The following HEPACAM2 variants were observed in gnomAD, a reference collection of about 807,000 sequenced individuals.
The protein encoded by HEPACAM2 is HEPACAM family member 2.
HEPACAM2 carries 49 observed loss-of-function variants against 49.6 expected under a neutral mutation model. The observed-to-expected ratio is 0.99, with a 90% CI of 0.78 to 1.25. HEPACAM2 has a LOEUF of 1.25. Among genes scored for constraint, HEPACAM2 ranks in the 50% most tolerant of loss-of-function variants. The pLI, the probability that HEPACAM2 is intolerant of heterozygous loss-of-function variation, is 0.00. For synonymous variants in HEPACAM2, 197 were observed against 202.9 expected (o/e 0.97, Z 0.25); for missense variants, 525 against 557.2 (o/e 0.94, Z 0.58).
At position 93,197,509 on chromosome 7, in the gene HEPACAM2, A is replaced by G; in HGVS notation, c.1114T>C (p.Trp372Arg). 6.3e-7 allele frequency: 1 copy of G among 1,594,198 alleles called. No homozygotes were observed. Among genetic ancestry groups the G allele is most frequent in the Non-Finnish European group, 8.6e-7 (1 of 1,167,424 alleles). The change falls in exon 5 of 10, where the codon TGG (tryptophan) becomes CGG (arginine). Residue 372 changes from tryptophan to arginine, a missense_variant. Trp to Arg is a moderately radical substitution (Grantham distance 101). Coordinates refer to ENST00000394468, the MANE Select transcript of HEPACAM2 (RefSeq NM_001039372.4). ...LIISMCLLFL[W>R]KKYQPYKVIK... ...CCTTTGTAGGGTTGATATTTTTTCC[A>G]TAGGAAGAGAAGACACATGGATATA... is the stretch of plus-strand genomic sequence containing the variant.
At chr7:93,194,833 A>C (rs988262548) in intron 8 of HEPACAM2, among the ~76,000 whole-genome samples, 2 of 151,964 alleles carry the variant, frequency 1.3e-5, no homozygotes, top group African/African-American at 4.8e-5. Context: ...ACTTGGTTCT[A>C]TACAAATCTA....
At chr7:93,231,985 G>C in the HEPACAM2 span, among the ~76,000 whole-genome samples, 1 of 151,914 alleles carries the variant, frequency 6.6e-6, no homozygotes, top group Non-Finnish European at 1.5e-5. Context: ...TCAGTCTCTC[G>C]TTCTCCCACC....
upstream of HEPACAM2, among the ~76,000 whole-genome samples, chr7:93,231,216 G>C (rs1307159017): frequency 1.3e-5 from 2 of 151,938 alleles, no homozygotes; most frequent in Non-Finnish European, 2.9e-5. Context: ...TGACACACTT[G>C]AACTTTTTTT....
chr7:93,219,500 A>C (rs1313571190), intron 1 of HEPACAM2, 49 bp from the exon 2 acceptor site: 2 of 1,609,934 alleles, frequency 1.2e-6, no homozygotes, highest in African/African-American at 2.7e-5. Flanking sequence ...CACATTTCAC[A>C]ATCTAAAGGG....
intron 3 of HEPACAM2, among the ~76,000 whole-genome samples, chr7:93,213,803 G>A (rs1377973617): frequency 1.3e-5 from 2 of 152,058 alleles, no homozygotes; most frequent in African/African-American, 4.8e-5. Context: ...CACTGAGGAG[G>A]TGAGATAAGT....
At chr7:93,203,453 C>T (rs1183380104) in intron 4 of HEPACAM2, among the ~76,000 whole-genome samples, 1 of 152,114 alleles carries the variant, frequency 6.6e-6, no homozygotes, top group Non-Finnish European at 1.5e-5. Flanking sequence ...AATTCTGACC[C>T]TATTGCCATA....
Position 93,189,008 on chromosome 7 carries a change from C to A in HEPACAM2, c.*259G>T. On this transcript the variant is annotated 3_prime_UTR_variant, in exon 10 of 10. Transcript: ENST00000394468. ...GGAAACCCCTGTCACTTTCGTTCTCCCCGTCAGCATGAGAACGACTCTCCA... is the reference window on the plus strand; with the variant it reads ...GGAAACCCCTGTCACTTTCGTTCTCACCGTCAGCATGAGAACGACTCTCCA... 1 of 461,000 alleles carries A rather than the reference C, an allele frequency of 2.2e-6. No homozygotes were observed. Among genetic ancestry groups the A allele is most frequent in the Non-Finnish European group, 3.8e-6 (1 of 261,330 alleles). The allele number at this position is 461,000 out of a possible 1,614,324, so 28.6% of individuals were successfully genotyped here.
chr7:93,219,573 C>T, intron 1 of HEPACAM2, 122 bp from the exon 2 acceptor site: 1 of 1,521,670 alleles, frequency 6.6e-7, no homozygotes, highest in East Asian at 2.3e-5. Context: ...CTTCTAGGTA[C>T]TGACTATTCT....
chr7:93,203,834 AGC>A (rs1370008365), intron 4 of HEPACAM2, among the ~76,000 whole-genome samples: 1 of 152,096 alleles, frequency 6.6e-6, no homozygotes. Context: ...TGATTATGGC[AGC>A]TGACTCATGT....
chr7:93,214,449 T>C (rs1266131857), intron 3 of HEPACAM2, among the ~76,000 whole-genome samples: 2 of 152,304 alleles, frequency 1.3e-5, no homozygotes, highest in Non-Finnish European at 2.9e-5. Context: ...CTTTCTATTA[T>C]CTGTCGTTAG....
chr7:93,207,454 A>T (rs576401196), intron 4 of HEPACAM2, among the ~76,000 whole-genome samples: 1 of 151,954 alleles, frequency 6.6e-6, no homozygotes, highest in East Asian at 1.9e-4. Flanking sequence ...AAGGAGAAAG[A>T]GGAGTAGGGA....
chr7:93,208,113 AG>A (rs1429991077), intron 4 of HEPACAM2, among the ~76,000 whole-genome samples: 2 of 152,018 alleles, frequency 1.3e-5, no homozygotes, highest in African/African-American at 4.8e-5. Context: ...GAACTTCCAT[AG>A]ATTTCAGCTG....
intron 3 of HEPACAM2, among the ~76,000 whole-genome samples, chr7:93,212,023 G>T (rs75870128): frequency 1.3e-5 from 2 of 151,996 alleles, no homozygotes; most frequent in Middle Eastern, 3.4e-3. Flanking sequence ...ACTTTTTGGG[G>T]AACTCCTCAT....
At chr7:93,213,508 TG>T (rs1794228815) in intron 3 of HEPACAM2, among the ~76,000 whole-genome samples, 1 of 152,082 alleles carries the variant, frequency 6.6e-6, no homozygotes, top group South Asian at 2.1e-4. Flanking sequence ...ATGAAGAAGC[TG>T]TCACCTTATA....
intron 2 of HEPACAM2, among the ~76,000 whole-genome samples, chr7:93,218,738 C>T (rs1198865020): frequency 6.6e-6 from 1 of 152,074 alleles, no homozygotes; most frequent in African/African-American, 2.4e-5. Context: ...CAAAAATCTT[C>T]ATGACAAAAA....
chr7:93,205,955 A>C (rs1056283545), intron 4 of HEPACAM2, among the ~76,000 whole-genome samples: 40 of 152,112 alleles, frequency 2.6e-4, no homozygotes, highest in African/African-American at 9.4e-4. Flanking sequence ...TGTACAGGTC[A>C]AACAGGTTTT....
Position 93,197,547 on chromosome 7 carries a change from G to C in HEPACAM2, c.1076C>G (p.Ser359Ter). Residue 359 changes from serine (S) to a stop codon, truncating the protein, a stop_gained, in exon 5 of 10, where the codon TCA becomes TGA. Transcript: ENST00000394468. LOFTEE classifies it high-confidence loss of function. ...LSPLASITGI[S>*]LFLIISMCLL... ...ACACATGGATATAATCAAAAATAGT[G>C]ATATTCCAGTTATACTTGCTAAAGG... The C allele has an allele frequency of 3.8e-6, 6 of 1,595,624 alleles. No homozygotes were observed. The highest frequency in any genetic ancestry group is 4.3e-6 in the Non-Finnish European group (5 of 1,165,276).
intron 3 of HEPACAM2, among the ~76,000 whole-genome samples, chr7:93,213,711 G>C (rs1298375799): frequency 6.6e-6 from 1 of 152,050 alleles, no homozygotes; most frequent in Non-Finnish European, 1.5e-5. Flanking sequence ...GTGTTCACAA[G>C]AGTCAAGGAA....
At chr7:93,214,900 A>G (rs1328190342) in intron 3 of HEPACAM2, among the ~76,000 whole-genome samples, 2 of 152,188 alleles carry the variant, frequency 1.3e-5, no homozygotes, top group African/African-American at 4.8e-5. Flanking sequence ...ATTTAAACCT[A>G]TGGCTAGAGT....
Sources: allele counts gnomAD v4.1 joint callset (sites outside exome capture counted in the v4.1 genomes callset), GRCh38; gene constraint gnomAD v4.1.1; transcripts MANE v1.5; gene names NCBI Gene and HGNC (gene_info 2026-07-23, HGNC 2026-07-21).